LRFN5: variants seen among roughly 807,000 people sequenced by gnomAD.
LRFN5 encodes leucine rich repeat and fibronectin type III domain containing 5.
A neutral mutation model predicts 45.6 loss-of-function variants in LRFN5; 24 were observed. The ratio of observed to expected loss-of-function variants is 0.53; its 90% confidence interval spans 0.38 to 0.74. The LOEUF is 0.74. LRFN5 is among the 30% of genes least tolerant of loss of function. The pLI is 0.00. For synonymous variants in LRFN5, 340 were observed against 313.8 expected (o/e 1.08, Z -0.88); for missense variants, 776 against 861.5 (o/e 0.90, Z 1.24).
intron 2 of LRFN5, among the ~76,000 whole-genome samples, chr14:41,870,682 ACT>A (rs1464725141): frequency 6.6e-6 from 1 of 152,052 alleles, no homozygotes; most frequent in Non-Finnish European, 1.5e-5. Context: ...CATATCAATA[ACT>A]CTCTTTTTAT....
chr14:41,667,440 G>A (rs557403418), intron 1 of LRFN5, among the ~76,000 whole-genome samples: 24 of 152,238 alleles, frequency 1.6e-4, no homozygotes, highest in African/African-American at 5.5e-4. Context: ...CACTTGAAAT[G>A]TGCCTCGTGT....
At chr14:41,715,796 C>A (rs1462285340) in intron 1 of LRFN5, among the ~76,000 whole-genome samples, 1 of 152,096 alleles carries the variant, frequency 6.6e-6, no homozygotes, top group African/African-American at 2.4e-5. Context: ...AAGACAGTGG[C>A]CCTCTTCTCA....
chr14:41,838,845 G>C lies in LRFN5; in HGVS notation c.-20-47761G>C, dbSNP rs373864272. On this transcript the variant is annotated intron_variant, in intron 2 of 5. Coordinates refer to ENST00000298119, the MANE Select transcript of LRFN5 (RefSeq NM_152447.5). ...AATTATTGGTGGCCATGAATGTGTG[G>C]TTATTTTCTTGGCTCATTGCCTCTA... Among the ~76,000 whole-genome samples the C allele has an allele frequency of 1.1e-3, 166 of 152,148 alleles. 1 individual carries two copies. Among genetic ancestry groups the C allele is most frequent in the Non-Finnish European group, 2.0e-3 (138 of 67,964 alleles).
chr14:41,872,586 T>C (rs761312353), intron 2 of LRFN5, among the ~76,000 whole-genome samples: 2 of 152,206 alleles, frequency 1.3e-5, no homozygotes, highest in Non-Finnish European at 2.9e-5. Context: ...TCTTCAAGAT[T>C]ACCTTAATGT....
chr14:41,637,436 T>C (rs1879358015), intron 1 of LRFN5, among the ~76,000 whole-genome samples: 1 of 152,148 alleles, frequency 6.6e-6, no homozygotes, highest in African/African-American at 2.4e-5. Context: ...TACTCCTATG[T>C]AGGTATAAAT....
chr14:41,898,860 GAATCT>G (rs2139176752), intron 4 of LRFN5, 52 bp from the exon 5 acceptor site: 1 of 1,465,386 alleles, frequency 6.8e-7, no homozygotes, highest in South Asian at 1.2e-5. Flanking sequence ...GAGGTTTTTT[GAATCT>G]ATTTCTTTTA....
At chr14:41,699,272 G>T (rs1882741534) in intron 1 of LRFN5, among the ~76,000 whole-genome samples, 1 of 152,060 alleles carries the variant, frequency 6.6e-6, no homozygotes, top group African/African-American at 2.4e-5. Flanking sequence ...TGCTTTTTCT[G>T]TGGGTCCACA....
At chr14:41,691,886 T>C (rs1465204119) in intron 1 of LRFN5, among the ~76,000 whole-genome samples, 21 of 152,132 alleles carry the variant, frequency 1.4e-4, no homozygotes, top group Admixed American at 1.4e-3. Flanking sequence ...GTTTCATCAA[T>C]ATTAGTGTAT....
chr14:41,718,426 A>G lies in LRFN5; in HGVS notation c.-196-48428A>G, dbSNP rs185692453. On this transcript the variant is annotated intron_variant, in intron 1 of 5. Transcript: ENST00000298119. ...TTCTTTGATTTGTTTGACATGGATT[A>G]AAAAGGGCAGAGAAATATCTCTTTA... Among the ~76,000 whole-genome samples the G allele has an allele frequency of 8.3e-4, 126 of 152,308 alleles. 1 individual carries two copies. In the South Asian group the frequency reaches 0.018, roughly 21 times the overall value.
intron 1 of LRFN5, among the ~76,000 whole-genome samples, chr14:41,645,849 C>T (rs748668658): frequency 5.3e-5 from 8 of 152,258 alleles, no homozygotes; most frequent in Non-Finnish European, 1.0e-4. Context: ...AGGTTCCATT[C>T]TTATTATTTT....
chr14:41,734,710 T>G (rs1457111092), intron 1 of LRFN5, among the ~76,000 whole-genome samples: 1 of 152,054 alleles, frequency 6.6e-6, no homozygotes, highest in African/African-American at 2.4e-5. Context: ...TTCATTACAT[T>G]CTGGTTAGTT....
chr14:41,694,240 A>G (rs547621028), intron 1 of LRFN5, among the ~76,000 whole-genome samples: 1 of 151,994 alleles, frequency 6.6e-6, no homozygotes, highest in Non-Finnish European at 1.5e-5. Flanking sequence ...ACAGTACATT[A>G]TCATTGAATG....
intron 2 of LRFN5, among the ~76,000 whole-genome samples, chr14:41,800,004 G>A (rs76641035): frequency 6.6e-6 from 1 of 151,796 alleles, no homozygotes; most frequent in African/African-American, 2.4e-5. Context: ...ATTTATCACT[G>A]ATCAATTATT....
intron 2 of LRFN5, among the ~76,000 whole-genome samples, chr14:41,821,450 G>T (rs541660311): frequency 9.0e-4 from 136 of 151,842 alleles, no homozygotes; most frequent in African/African-American, 3.2e-3. Flanking sequence ...TTATTGATTT[G>T]CATATATTGA....
At chr14:41,738,095 A>C (rs1363659834) in intron 1 of LRFN5, among the ~76,000 whole-genome samples, 1 of 152,216 alleles carries the variant, frequency 6.6e-6, no homozygotes, top group Non-Finnish European at 1.5e-5. Flanking sequence ...ACTTCAAACT[A>C]TACTACAAGG....
At chr14:41,734,959 A>C (rs1419643453) in intron 1 of LRFN5, among the ~76,000 whole-genome samples, 1 of 152,120 alleles carries the variant, frequency 6.6e-6, no homozygotes, top group East Asian at 1.9e-4. Context: ...GTTTTTGATG[A>C]CACATGCTTA....
intron 3 of LRFN5, 132 bp from the exon 4 acceptor site, chr14:41,891,117 CA>C (rs1890764172): frequency 4.1e-6 from 3 of 735,246 alleles, no homozygotes; most frequent in Non-Finnish European, 6.7e-6. Flanking sequence ...GAGATTAGAT[CA>C]TTTTTCAATA....
At chr14:41,745,322 C>G (rs1292633915) in intron 1 of LRFN5, among the ~76,000 whole-genome samples, 1 of 152,088 alleles carries the variant, frequency 6.6e-6, no homozygotes, top group East Asian at 1.9e-4. Context: ...TTAGAAAATA[C>G]TTAGCAATGA....
At chr14:41,776,753 T>C (rs778797692) in intron 2 of LRFN5, among the ~76,000 whole-genome samples, 1 of 152,132 alleles carries the variant, frequency 6.6e-6, no homozygotes, top group Non-Finnish European at 1.5e-5. Context: ...TGTGCGTGTG[T>C]GCTTTTTTGT....
Sources: gnomAD v4.1 joint callset for allele counts (sites outside exome capture counted in the v4.1 genomes callset) on GRCh38, gnomAD v4.1.1 for gene constraint, MANE v1.5 for transcripts, NCBI Gene and HGNC (gene_info 2026-07-23, HGNC 2026-07-21) for gene names.